STON2: variants seen among roughly 807,000 people sequenced by gnomAD.
STON2 encodes the protein stonin-2.
Under a neutral mutation model 65.7 loss-of-function variants are expected in STON2, and 29 were observed. That is an observed-to-expected ratio of 0.44 (90% CI 0.33 to 0.60). The LOEUF (loss-of-function observed/expected upper bound fraction) is 0.60, where lower values mean the gene tolerates loss of function less well. Among genes scored for constraint, STON2 ranks in the 20% least tolerant of loss-of-function variants. STON2 has a pLI of 0.03. For synonymous variants in STON2, 404 were observed against 414.2 expected (o/e 0.98, Z 0.30); for missense variants, 1,054 against 1,118.1 (o/e 0.94, Z 0.82).
At chr14:81,371,620 A>C (rs556560610) in intron 3 of STON2, among the ~76,000 whole-genome samples, 258 of 148,294 alleles carry the variant, frequency 1.7e-3, no homozygotes, top group Non-Finnish European at 3.2e-3. Flanking sequence ...GCGTGAACCC[A>C]GGAGGCGGAG....
chr14:81,368,712 C>T (rs1197334156), intron 4 of STON2, among the ~76,000 whole-genome samples: 1 of 152,068 alleles, frequency 6.6e-6, no homozygotes, highest in Admixed American at 6.6e-5. Context: ...AGCGAGACTC[C>T]ATCTCAAAAA....
chr14:81,386,265 T>C (rs1266635844), intron 3 of STON2, among the ~76,000 whole-genome samples: 1 of 152,174 alleles, frequency 6.6e-6, no homozygotes, highest in African/African-American at 2.4e-5. Context: ...GAATTACATA[T>C]GCATGCAAAA....
intron 4 of STON2, among the ~76,000 whole-genome samples, chr14:81,366,800 A>C (rs149332347): frequency 6.6e-6 from 1 of 150,642 alleles, no homozygotes; most frequent in Non-Finnish European, 1.5e-5. Flanking sequence ...CCCCATATCA[A>C]ATGGAAATGA....
chr14:81,345,901 A>C (rs1453788252), intron 4 of STON2, among the ~76,000 whole-genome samples: 2 of 152,186 alleles, frequency 1.3e-5, no homozygotes, highest in African/African-American at 4.8e-5. Context: ...AAGTCCAATG[A>C]GCATCCTTGG....
intron 5 of STON2, among the ~76,000 whole-genome samples, chr14:81,298,524 G>A (rs765842452): frequency 2.0e-4 from 31 of 152,070 alleles, no homozygotes; most frequent in Non-Finnish European, 3.7e-4. Context: ...ATTCCCAAGC[G>A]CGGCTGAAAT....
chr14:81,261,795 C>G lies in STON2; in HGVS notation c.*6619G>C. 6.6e-7 allele frequency: 1 copy of G among 1,525,388 alleles called. No individual in the cohort carries two copies. Among genetic ancestry groups the G allele is most frequent in the Non-Finnish European group, 8.7e-7 (1 of 1,144,204 alleles). The allele number at this position is 1,525,388 out of a possible 1,614,324, so 94.5% of individuals were successfully genotyped here. On this transcript the variant is annotated 3_prime_UTR_variant, in exon 8 of 8. Transcript: ENST00000614646. ...GCCTCTTCATGCTCACACCATTGTT[C>G]TGATAGATGATGCCAGTGGAACTTC...
At chr14:81,367,766 G>A (rs1448809475) in intron 4 of STON2, among the ~76,000 whole-genome samples, 1 of 152,160 alleles carries the variant, frequency 6.6e-6, no homozygotes, top group Non-Finnish European at 1.5e-5. Flanking sequence ...TCATTTCCCA[G>A]GCTCATGGAG....
At chr14:81,357,433 C>G (rs974034565) in intron 4 of STON2, among the ~76,000 whole-genome samples, 16 of 151,842 alleles carry the variant, frequency 1.1e-4, no homozygotes, top group South Asian at 2.1e-4. Context: ...GAAATAGGAA[C>G]ACTTTTACAC....
chr14:81,418,914 A>T (rs2139888293), intron 2 of STON2, among the ~76,000 whole-genome samples: 1 of 152,338 alleles, frequency 6.6e-6, no homozygotes, highest in Admixed American at 6.5e-5. Context: ...ACTTCCATAG[A>T]AGCTTTTTAT....
At chr14:81,321,622 T>A (rs544151491) in intron 5 of STON2, among the ~76,000 whole-genome samples, 243 of 152,150 alleles carry the variant, frequency 1.6e-3, no homozygotes, top group African/African-American at 5.6e-3. Context: ...CAAAACACAA[T>A]GAAATAAAAA....
intron 2 of STON2, among the ~76,000 whole-genome samples, chr14:81,397,294 T>C (rs758966361): frequency 1.3e-5 from 2 of 152,178 alleles, no homozygotes; most frequent in Non-Finnish European, 2.9e-5. Context: ...GAGCTACATA[T>C]GTAATTTTAA....
intron 5 of STON2, among the ~76,000 whole-genome samples, chr14:81,297,284 C>T (rs925505927): frequency 7.2e-5 from 11 of 152,156 alleles, no homozygotes; most frequent in Non-Finnish European, 1.5e-5. Flanking sequence ...AGGTAAGTCT[C>T]CATTACCTCT....
At chr14:81,417,542 A>G (rs752928465) in intron 2 of STON2, among the ~76,000 whole-genome samples, 2 of 152,204 alleles carry the variant, frequency 1.3e-5, no homozygotes, top group African/African-American at 4.8e-5. Context: ...AAGGGCAGAG[A>G]AGACCTCAAT....
intron 4 of STON2, among the ~76,000 whole-genome samples, chr14:81,341,734 C>T (rs757198889): frequency 2.0e-5 from 3 of 152,136 alleles, no homozygotes; most frequent in Non-Finnish European, 4.4e-5. Flanking sequence ...AAAGTTCTGC[C>T]AATACTATAT....
chr14:81,272,670 A>AC (rs1894648576), intron 6 of STON2, among the ~76,000 whole-genome samples: 5 of 152,264 alleles, frequency 3.3e-5, no homozygotes, highest in African/African-American at 4.8e-5. Flanking sequence ...TTCAGAAAAG[A>AC]ATTTAAGATA....
chr14:81,277,540 G>C lies in STON2; in HGVS notation c.1942C>G (p.Leu648Val), dbSNP rs750193614. The change falls in exon 6 of 8, where the codon CTC (leucine) becomes GTC (valine). Residue 648 changes from leucine to valine, a missense_variant. Physicochemically the swap from Leu to Val is conservative, Grantham distance 32. Coordinates refer to ENST00000614646, the MANE Select transcript of STON2 (RefSeq NM_001394390.1). The part of the protein sequence containing the change: ...GIVSKGDNQI[L>V]QHHVLTRIHI... ...ATCCGTGTCAAGACATGGTGCTGGA[G>C]AATCTGGTTGTCTCCTTTGCTCACA... is the stretch of plus-strand genomic sequence containing the variant. The C allele has an allele frequency of 2.5e-6, 4 of 1,614,060 alleles. No homozygotes were observed. Among genetic ancestry groups the C allele is most frequent in the African/African-American group, 1.3e-5 (1 of 74,922 alleles).
Position 81,277,980 on chromosome 14 carries a change from C to T in STON2, c.1502G>A (p.Arg501Lys), listed in dbSNP as rs147472724. 9 of 1,614,046 alleles carry T rather than the reference C, an allele frequency of 5.6e-6. No homozygotes were observed. In the African/African-American group the frequency reaches 1.1e-4, roughly 19 times the overall value. The change falls in exon 6 of 8, where the codon AGG (arginine) becomes AAG (lysine). Residue 501 changes from arginine (R) to lysine (K), a missense_variant. Physicochemically the swap from Arg to Lys is conservative, Grantham distance 26. Transcript: ENST00000614646. Reference protein sequence around the residue: ...IPEKKNIMSSRHWGPIFVKLT... With the variant: ...IPEKKNIMSSKHWGPIFVKLT... ...TTTGACGAAGATCGGTCCCCAGTGC[C>T]TGGAGGACATGATGTTTTTCTTCTC... is the stretch of plus-strand genomic sequence containing the variant.
At chr14:81,415,965 C>T (rs1201884203) in intron 2 of STON2, among the ~76,000 whole-genome samples, 2 of 152,138 alleles carry the variant, frequency 1.3e-5, no homozygotes, top group Non-Finnish European at 2.9e-5. Flanking sequence ...AGGAGCATGA[C>T]CAAAGGTCAG....
intron 2 of STON2, among the ~76,000 whole-genome samples, chr14:81,409,176 G>A (rs537048359): frequency 1.7e-4 from 26 of 152,258 alleles, no homozygotes; most frequent in Admixed American, 1.6e-3. Context: ...AGGCCGAGGA[G>A]GGAGGATCAC....
Sources: allele counts gnomAD v4.1 joint callset (sites outside exome capture counted in the v4.1 genomes callset), GRCh38; gene constraint gnomAD v4.1.1; transcripts MANE v1.5; gene names NCBI Gene and HGNC (gene_info 2026-07-23, HGNC 2026-07-21).